The following CRMP1 variants were observed in gnomAD, a reference collection of about 807,000 sequenced individuals.
CRMP1 encodes the protein collapsin response mediator protein 1.
In CRMP1, 19 loss-of-function variants were observed where a neutral mutation model predicts 68.3. The ratio of observed to expected loss-of-function variants is 0.28; its 90% CI spans 0.19 to 0.41. The LOEUF (loss-of-function observed/expected upper bound fraction) is 0.41. Ranked by LOEUF, CRMP1 falls within the 10% of genes least tolerant of loss-of-function variation. CRMP1 has a pLI of 1.00. For missense variants in CRMP1, 791 were observed against 967.4 expected (o/e 0.82, Z 2.42); for synonymous variants, 439 against 399.6 (o/e 1.10, Z -1.18).
At chr4:5,836,936 G>C in intron 9 of CRMP1, 30 bp from the exon 10 acceptor site, 1 of 1,578,308 alleles carries the variant, frequency 6.3e-7, no homozygotes. Context: ...GTAGAGTTCA[G>C]ACCCTAGTTC....
rs147655170 is a variant in CRMP1, at chr4:5,837,745, A to C, written c.1311-839T>G. 2.4e-3 allele frequency among the ~76,000 whole-genome samples: 360 copies of C among 151,640 alleles called. 1 individual carries two copies. Among genetic ancestry groups the C allele is most frequent in the African/African-American group, 8.5e-3 (350 of 41,096 alleles). ...AGTGGTTCTAAATGCAAGGTGAGGA[A>C]GGTGAGGCTGTCCTCCAATCCAGAG... On this transcript the variant is annotated intron_variant, in intron 9 of 13. Coordinates refer to ENST00000324989, the MANE Select transcript of CRMP1 (RefSeq NM_001014809.3).
At chr4:5,857,387 T>C (rs1713220037) in intron 3 of CRMP1, among the ~76,000 whole-genome samples, 5 of 151,920 alleles carry the variant, frequency 3.3e-5, no homozygotes, top group Admixed American at 3.3e-4. Context: ...CTTTTCATAA[T>C]CACTCCCACC....
At chr4:5,873,230 C>G (rs1193162906) in intron 1 of CRMP1, among the ~76,000 whole-genome samples, 1 of 152,172 alleles carries the variant, frequency 6.6e-6, no homozygotes, top group African/African-American at 2.4e-5. Flanking sequence ...GCCTCCACAT[C>G]AACCCTGCTA....
chr4:5,873,819 C>T (rs186105900), intron 1 of CRMP1, among the ~76,000 whole-genome samples: 8 of 152,130 alleles, frequency 5.3e-5, no homozygotes, highest in African/African-American at 1.9e-4. Flanking sequence ...TGAAGGGTGA[C>T]CTCAAAGTGG....
At chr4:5,831,981 G>C (rs929712752) in intron 11 of CRMP1, among the ~76,000 whole-genome samples, 1 of 152,034 alleles carries the variant, frequency 6.6e-6, no homozygotes, top group Non-Finnish European at 1.5e-5. Flanking sequence ...CCTACAAGGG[G>C]GTATTATTCA....
Position 5,888,256 on chromosome 4 carries a change from T to C in CRMP1, c.381+4333A>G, listed in dbSNP as rs1290791436. On this transcript the variant is annotated intron_variant, in intron 1 of 13. Coordinates refer to ENST00000324989, the MANE Select transcript of CRMP1 (RefSeq NM_001014809.3). This position sits in a 1 kb window ranked among gnomAD's most constrained non-coding sequence, Gnocchi z 6.4. Reference sequence around the variant, plus strand: ...GATGTGCGGGATGCTCTTCTTGCCCTGGTACGACATGGCCCCCTCTGGCGC... The same window carrying C: ...GATGTGCGGGATGCTCTTCTTGCCCCGGTACGACATGGCCCCCTCTGGCGC... 2 of 1,288,328 alleles carry C rather than the reference T, an allele frequency of 1.6e-6. No homozygotes were observed. Among genetic ancestry groups the C allele is most frequent in the South Asian group, 3.1e-5 (1 of 32,446 alleles). 79.8% of individuals were successfully genotyped at this position (1,288,328 alleles called of 1,614,324 possible). A position where few individuals can be genotyped will look rare whatever the true frequency, so the allele number is the denominator to read the frequency against.
In CRMP1 at chr4:5,843,283, C is replaced by T. The variant is rs562782615; in HGVS notation, c.964-122G>A. On this transcript the variant is annotated intron_variant, in intron 6 of 13. Coordinates refer to ENST00000324989, the MANE Select transcript of CRMP1 (RefSeq NM_001014809.3). This position sits in a 1 kb window ranked among gnomAD's most constrained non-coding sequence, Gnocchi z 4.1. Reference sequence around the variant, plus strand: ...GTCCCAAAGAGGCGAGTGGCTTGCACTAGGTTAACAGTGTGCGGGGTGGGG... The same window carrying T: ...GTCCCAAAGAGGCGAGTGGCTTGCATTAGGTTAACAGTGTGCGGGGTGGGG... 19 of 899,054 alleles carry T rather than the reference C, an allele frequency of 2.1e-5. No individual in the cohort carries two copies. In the African/African-American group the frequency reaches 3.1e-4, roughly 15 times the overall value. 55.7% of individuals were successfully genotyped at this position (899,054 alleles called of 1,614,324 possible).
chr4:5,824,946 T>C lies in CRMP1; in HGVS notation c.1969+548A>G, dbSNP rs563680522. On this transcript the variant is annotated intron_variant, in intron 13 of 13. Transcript: ENST00000324989. The stretch of plus-strand genomic sequence containing the variant: ...ATCTAATTTTGTTCCCACACATTTG[T>C]TGAGCACCAAGTCCTGGTATTTTGA... The C allele has an allele frequency of 1.3e-5, 13 of 985,452 alleles. No homozygotes were observed. The East Asian group carries it at 4.5e-4, about 34-fold the overall frequency. 61.0% of individuals were successfully genotyped at this position (985,452 alleles called of 1,614,324 possible).
chr4:5,846,099 C>CA (rs1276806614), intron 6 of CRMP1, among the ~76,000 whole-genome samples: 1 of 152,116 alleles, frequency 6.6e-6, no homozygotes, highest in African/African-American at 2.4e-5. Flanking sequence ...AGTTCAAGAC[C>CA]AGCCTGGCCA....
chr4:5,828,753 T>C (rs1720080720), intron 11 of CRMP1, 85 bp from the exon 12 acceptor site: 1 of 1,470,348 alleles, frequency 6.8e-7, no homozygotes, highest in Admixed American at 2.2e-5. Flanking sequence ...CCTAACATTA[T>C]ATCATAAGCG....
rs1267004442 is a variant in CRMP1 at position 5,842,283 on chromosome 4, G to A, written c.1032+810C>T. 3.3e-5 allele frequency among the ~76,000 whole-genome samples: 5 copies of A among 151,604 alleles called. No homozygotes were observed. Among genetic ancestry groups the A allele is most frequent in the African/African-American group, 1.2e-4 (5 of 41,370 alleles). On this transcript the variant is annotated intron_variant, in intron 7 of 13. Coordinates refer to ENST00000324989, the MANE Select transcript of CRMP1 (RefSeq NM_001014809.3). The surrounding 1 kb of genome is among the most constrained non-coding windows in gnomAD (Gnocchi z 4.5). The stretch of plus-strand genomic sequence containing the variant: ...AACAAAAAACACAAATTAGCCAGGC[G>A]TGGTGGCACAGGCCTGTGCCTAGTG...
chr4:5,831,543 C>T (rs997775238), intron 11 of CRMP1, among the ~76,000 whole-genome samples: 2 of 152,156 alleles, frequency 1.3e-5, no homozygotes, highest in African/African-American at 4.8e-5. Flanking sequence ...TGATTCATAA[C>T]TGTGCCGAGG....
chr4:5,826,080 CCACA>C (rs746200123), intron 12 of CRMP1: 15 of 251,650 alleles, frequency 6.0e-5, no homozygotes, highest in Admixed American at 5.6e-4. Flanking sequence ...GCATACATGC[CCACA>C]CACACACTCA....
chr4:5,867,911 C>T (rs1217295834), intron 1 of CRMP1, among the ~76,000 whole-genome samples: 3 of 152,010 alleles, frequency 2.0e-5, no homozygotes, highest in African/African-American at 4.8e-5. Flanking sequence ...TAGATAAACA[C>T]ACACACACAC....
intron 11 of CRMP1, among the ~76,000 whole-genome samples, chr4:5,829,891 G>A (rs1480986631): frequency 6.6e-6 from 1 of 152,238 alleles, no homozygotes; most frequent in East Asian, 1.9e-4. Flanking sequence ...TAGATGTGGA[G>A]TTGGGGGCCA....
At chr4:5,824,291 T>A (rs1355595696) in intron 13 of CRMP1, 1 of 985,254 alleles carries the variant, frequency 1.0e-6, no homozygotes, top group African/African-American at 1.7e-5. Context: ...CACATGACTT[T>A]TAGCATTCTA....
chr4:5,828,452 C>T, intron 12 of CRMP1, 37 bp downstream of exon 12: 1 of 1,601,330 alleles, frequency 6.2e-7, no homozygotes, highest in Non-Finnish European at 8.5e-7. Context: ...CGGCTCTGGT[C>T]CCACGGGTGG....
chr4:5,874,072 T>C (rs1238496833), intron 1 of CRMP1, among the ~76,000 whole-genome samples: 1 of 152,192 alleles, frequency 6.6e-6, no homozygotes, highest in East Asian at 1.9e-4. Context: ...GCAGGCAAGT[T>C]TGCAACAGGT....
In CRMP1 at chr4:5,851,742, G is replaced by C. The variant is rs181922053; in HGVS notation, c.821-273C>G. On this transcript the variant is annotated intron_variant, in intron 4 of 13. Transcript: ENST00000324989. ...GGAGGAGAAGGAGAAAGAGGAGGAG[G>C]AGGAAGAGGAGAAGGAGGAGGATGA... is the stretch of plus-strand genomic sequence containing the variant. Among the ~76,000 whole-genome samples, 191 of 151,374 alleles carry C rather than the reference G, an allele frequency of 1.3e-3. 1 individual carries two copies. Among genetic ancestry groups the C allele is most frequent in the African/African-American group, 4.5e-3 (183 of 41,112 alleles).
Sources: allele counts gnomAD v4.1 joint callset (sites outside exome capture counted in the v4.1 genomes callset), GRCh38; gene constraint gnomAD v4.1.1; non-coding constraint Gnocchi (gnomAD v3.1); transcripts MANE v1.5; gene names NCBI Gene and HGNC (gene_info 2026-07-23, HGNC 2026-07-21).